Variants in PPARG observed in about 807,000 individuals in gnomAD.
PPARG encodes peroxisome proliferator-activated receptor gamma.
Under a neutral mutation model 39.2 loss-of-function variants are expected in PPARG, and 17 were observed. That is an observed-to-expected ratio of 0.43 (90% CI 0.30 to 0.65). The LOEUF is 0.65. PPARG is among the 30% of genes least tolerant of loss of function. PPARG has a pLI of 0.13. For synonymous variants in PPARG, 223 were observed against 215.7 expected, an observed-to-expected ratio of 1.03 and a Z score of -0.30; for missense variants, 406 against 585.9, an observed-to-expected ratio of 0.69 and a Z score of 3.17.
intron 2 of PPARG, among the ~76,000 whole-genome samples, chr3:12,361,988 A>G (rs201590876): frequency 6.6e-6 from 1 of 152,090 alleles, no homozygotes; most frequent in Non-Finnish European, 1.5e-5. Context: ...TTATTCTTTA[A>G]TTTTTTTAAA....
At chr3:12,410,870 A>AT (rs1356906429) in intron 6 of PPARG, among the ~76,000 whole-genome samples, 1 of 152,234 alleles carries the variant, frequency 6.6e-6, no homozygotes, top group East Asian at 1.9e-4. Flanking sequence ...TAAACAACGT[A>AT]TGGGTTCTTT....
intron 5 of PPARG, among the ~76,000 whole-genome samples, chr3:12,398,164 C>CA (rs543541979): frequency 0.05 from 6,821 of 137,638 alleles, 413 homozygotes; most frequent in African/African-American, 0.15. Flanking sequence ...TACATATTAC[C>CA]AAAAAAAAAA....
chr3:12,392,885 T>G, intron 5 of PPARG, 133 bp downstream of exon 5: 1 of 1,144,638 alleles, frequency 8.7e-7, no homozygotes, highest in Non-Finnish European at 1.3e-6. Flanking sequence ...TGCATGGCGA[T>G]AAAACATTTC....
At chr3:12,372,601 T>C (rs2049259846) in intron 2 of PPARG, among the ~76,000 whole-genome samples, 1 of 152,226 alleles carries the variant, frequency 6.6e-6, no homozygotes, top group African/African-American at 2.4e-5. Flanking sequence ...TTACCAGCTA[T>C]TCTAATCATA....
At chr3:12,370,375 G>A (rs1259888878) in intron 2 of PPARG, among the ~76,000 whole-genome samples, 1 of 151,736 alleles carries the variant, frequency 6.6e-6, no homozygotes, top group Non-Finnish European at 1.5e-5. Flanking sequence ...TTTCTGTGTG[G>A]TTTAAGAAAT....
chr3:12,411,044 G>A (rs1027132727), intron 6 of PPARG, among the ~76,000 whole-genome samples: 4 of 152,008 alleles, frequency 2.6e-5, no homozygotes, highest in Admixed American at 1.3e-4. Flanking sequence ...TAGGCTTCTG[G>A]GATCATTCAT....
intron 2 of PPARG, among the ~76,000 whole-genome samples, chr3:12,365,319 C>T (rs2048979916): frequency 6.6e-6 from 1 of 152,192 alleles, no homozygotes; most frequent in Non-Finnish European, 1.5e-5. Context: ...ACATTCTCCC[C>T]ATCTGTGGCT....
chr3:12,398,910 G>A (rs974482153), intron 5 of PPARG, among the ~76,000 whole-genome samples: 1 of 152,196 alleles, frequency 6.6e-6, no homozygotes, highest in African/African-American at 2.4e-5. Flanking sequence ...CACAGACGGA[G>A]TGAAAACAAC....
intron 2 of PPARG, among the ~76,000 whole-genome samples, chr3:12,344,518 C>A (rs2048274610): frequency 6.6e-6 from 1 of 152,186 alleles, no homozygotes; most frequent in African/African-American, 2.4e-5. Flanking sequence ...TTATTATGTA[C>A]TGATTTCACA....
intron 2 of PPARG, among the ~76,000 whole-genome samples, chr3:12,366,887 A>G (rs542006854): frequency 1.3e-5 from 2 of 152,270 alleles, no homozygotes; most frequent in South Asian, 2.1e-4. Flanking sequence ...TTGTTTTAGT[A>G]TTAGGGTAAT....
In PPARG at chr3:12,364,352, C is replaced by G. The variant is rs537562404; in HGVS notation, c.-8-15352C>G. 8.5e-5 allele frequency among the ~76,000 whole-genome samples: 13 copies of G among 152,284 alleles called. No individual in the cohort carries two copies. In the South Asian group the frequency reaches 2.7e-3, roughly 32 times the overall value. ...GACTTCTTTCACTTACCAATATGCA[C>G]TTAAGGTTCTTCCATGTCTTTCCAT... On this transcript the variant is annotated intron_variant, in intron 2 of 7. Transcript: ENST00000651735.
At position 12,381,347 on chromosome 3, in the gene PPARG, T is replaced by G. The variant is rs758183823; in HGVS notation, c.246T>G (p.Ser82=). ...YQSAIKVEPA[S]PPYYSEKTQL... ...GTGCAATCAAAGTGGAGCCTGCATC[T>G]CCACCTTATTATTCTGAGAAGACTC... The change falls in exon 4 of 8, where the codon TCT becomes TCG. Residue 82 remains serine (S), a synonymous_variant. Coordinates refer to ENST00000651735, the MANE Select transcript of PPARG (RefSeq NM_138711.6). 2 of 1,613,208 alleles carry G rather than the reference T, an allele frequency of 1.2e-6. No homozygotes were observed. Among genetic ancestry groups the G allele is most frequent in the African/African-American group, 2.7e-5 (2 of 74,892 alleles).
chr3:12,334,195 GTTGAC>G (rs934318723), intron 2 of PPARG, among the ~76,000 whole-genome samples: 1 of 151,110 alleles, frequency 6.6e-6, no homozygotes, highest in African/African-American at 2.4e-5. Context: ...AAAAAAGTTT[GTTGAC>G]TTGGCTTAAA....
At chr3:12,329,657 C>T (rs568892912) in intron 2 of PPARG, among the ~76,000 whole-genome samples, 3 of 152,058 alleles carry the variant, frequency 2.0e-5, no homozygotes, top group Non-Finnish European at 2.9e-5. Context: ...ATAAAATTTA[C>T]GATTTTAACC....
At chr3:12,350,717 G>A (rs2048459143) in intron 2 of PPARG, among the ~76,000 whole-genome samples, 1 of 152,088 alleles carries the variant, frequency 6.6e-6, no homozygotes, top group Admixed American at 6.6e-5. Flanking sequence ...TTTTTCTGGT[G>A]GTGTGTTATT....
intron 1 of PPARG, among the ~76,000 whole-genome samples, chr3:12,306,118 C>T (rs944743409): frequency 6.6e-6 from 1 of 152,226 alleles, no homozygotes; most frequent in African/African-American, 2.4e-5. Context: ...AGTTTTTCAA[C>T]AGACTGGTGG....
intron 1 of PPARG, among the ~76,000 whole-genome samples, chr3:12,298,324 A>AGAAAAAAG (rs1559483682): frequency 7.4e-6 from 1 of 134,644 alleles, no homozygotes; most frequent in Non-Finnish European, 1.6e-5. Context: ...AAAAAAAAAA[A>AGAAAAAAG]AAAGAAATGT....
intron 4 of PPARG, among the ~76,000 whole-genome samples, chr3:12,386,532 T>C (rs2049878751): frequency 1.3e-5 from 2 of 152,068 alleles, no homozygotes; most frequent in Non-Finnish European, 2.9e-5. Flanking sequence ...TTTTTTTTTT[T>C]TGAACATGTG....
intron 5 of PPARG, among the ~76,000 whole-genome samples, chr3:12,394,971 C>G (rs1331414894): frequency 1.3e-5 from 2 of 152,182 alleles, no homozygotes; most frequent in African/African-American, 4.8e-5. Context: ...CAAATGTACT[C>G]CATTCCGTGT....
Sources: allele counts gnomAD v4.1 joint callset (sites outside exome capture counted in the v4.1 genomes callset), GRCh38; gene constraint gnomAD v4.1.1; transcripts MANE v1.5; gene names NCBI Gene and HGNC (gene_info 2026-07-23, HGNC 2026-07-21).